Variants in SETD5 observed in about 807,000 individuals in gnomAD.
SETD5 encodes the protein histone-lysine N-methyltransferase SETD5.
SETD5 carries 44 observed loss-of-function variants against 153.3 expected under a neutral mutation model. The ratio of observed to expected loss-of-function variants is 0.29; its 90% CI spans 0.23 to 0.37. SETD5 has a LOEUF of 0.37. Ranked by LOEUF, SETD5 falls within the 10% of genes least tolerant of loss-of-function variation. The probability of loss-of-function intolerance (pLI) is 1.00; values close to 1 mark genes in which losing one functional copy is unlikely to be tolerated. For missense variants in SETD5, 1,544 were observed against 1,768.0 expected, an observed-to-expected ratio of 0.87 and a Z score of 2.27; for synonymous variants, 716 against 645.2, an observed-to-expected ratio of 1.11 and a Z score of -1.66.
chr3:9,464,066 T>TG (rs2044285432), intron 17 of SETD5, among the ~76,000 whole-genome samples: 1 of 152,162 alleles, frequency 6.6e-6, no homozygotes, highest in Admixed American at 6.5e-5. Context: ...AGACGGAGGT[T>TG]GCAGTGAGCT....
rs746999028 is a variant in SETD5 at position 9,406,607 on chromosome 3, C to CA, written c.-177+8644dup. 3.0e-3 allele frequency among the ~76,000 whole-genome samples: 299 copies of CA among 99,172 alleles called. 7 individuals carry two copies. In the Middle Eastern group the frequency reaches 0.035, roughly 12 times the overall value. 65.1% of individuals were successfully genotyped at this position (99,172 alleles called of 152,430 possible). A position where few individuals can be genotyped will look rare whatever the true frequency, so the allele number is the denominator to read the frequency against. ...TGGGCGACAGAGCGAGACTCTGTCT[C>CA]AAAAAAAAAAAAAAGAATAGATCTG... On this transcript the variant is annotated intron_variant, in intron 1 of 22. Coordinates refer to ENST00000402198, the MANE Select transcript of SETD5 (RefSeq NM_001080517.3).
chr3:9,404,106 G>A (rs942891618), intron 1 of SETD5, among the ~76,000 whole-genome samples: 20 of 152,088 alleles, frequency 1.3e-4, no homozygotes, highest in African/African-American at 4.8e-4. Context: ...TTTGTTGCTT[G>A]GGTTGAGGTA....
At position 9,475,065 on chromosome 3, in the gene SETD5, C is replaced by T. The variant is rs935364018; in HGVS notation, c.3632-3C>T. 4.4e-6 allele frequency: 7 copies of T among 1,576,166 alleles called. No homozygotes were observed. The highest frequency in any genetic ancestry group is 6.0e-6 in the Non-Finnish European group (7 of 1,161,086). ...ATTTTTTTTTATATATGTTACCTTC[C>T]AGACCCTGCAGATGGAGAAGGCCCA... On this transcript the variant is annotated splice_region_variant and splice_polypyrimidine_tract_variant and intron_variant, in intron 21 of 22. Transcript: ENST00000402198.
In SETD5 at chr3:9,445,297, T is replaced by C. The variant is rs1315498808; in HGVS notation, c.1437T>C (p.His479=). The C allele has an allele frequency of 4.4e-6, 7 of 1,602,054 alleles. No individual in the cohort carries two copies. The highest frequency in any genetic ancestry group is 1.7e-5 in the Admixed American group (1 of 57,962). The part of the protein sequence containing the change: ...VPEKVTVSSD[H]EEVDNPEEKP... Reference sequence around the variant, plus strand: ...AAAAAGTAACTGTATCCAGTGATCATGAGGTAATCGCCCCTGGTCAAATGA... The same window carrying C: ...AAAAAGTAACTGTATCCAGTGATCACGAGGTAATCGCCCCTGGTCAAATGA... Residue 479 remains histidine (H), a synonymous_variant, in exon 12 of 23, where the codon CAT becomes CAC. Transcript: ENST00000402198.
Position 9,453,758 on chromosome 3 carries a change from T to C in SETD5, c.2366T>C (p.Leu789Ser), listed in dbSNP as rs781773924. Residue 789 changes from leucine to serine, a missense_variant, in exon 17 of 23, where the codon TTA becomes TCA. By Grantham distance (145) the Leu-to-Ser change is moderately radical. Transcript: ENST00000402198. ...TTATAGCGCTGGATAAAACAAGCCT[T>C]AGAAGAAGGGATGACTCAAACATCA... ...SCKKRWIKQALEEGMTQTSSV... is the reference protein window; with the variant it reads ...SCKKRWIKQASEEGMTQTSSV... 1 of 1,600,502 alleles carries C rather than the reference T, an allele frequency of 6.2e-7. No homozygotes were observed. The highest frequency in any genetic ancestry group is 8.5e-7 in the Non-Finnish European group (1 of 1,176,546).
At chr3:9,467,865 A>G (rs964559777) in intron 18 of SETD5, among the ~76,000 whole-genome samples, 2 of 152,002 alleles carry the variant, frequency 1.3e-5, no homozygotes, top group African/African-American at 2.4e-5. Flanking sequence ...CCAAAAGTAC[A>G]ATGGATTTTA....
intron 17 of SETD5, among the ~76,000 whole-genome samples, chr3:9,461,500 T>C (rs2043952839): frequency 6.6e-6 from 1 of 152,154 alleles, no homozygotes; most frequent in Non-Finnish European, 1.5e-5. Flanking sequence ...TGGTAATTTT[T>C]TGAGTAAAGG....
At chr3:9,440,129 C>A (rs1191070209) in intron 7 of SETD5, among the ~76,000 whole-genome samples, 1 of 152,064 alleles carries the variant, frequency 6.6e-6, no homozygotes, top group Non-Finnish European at 1.5e-5. Flanking sequence ...GATGTCAGTC[C>A]TTTGATTAGA....
rs1362059183 is a variant in SETD5, at chr3:9,476,831, G to A, written c.*740G>A. 6.6e-6 allele frequency: 1 copy of A among 152,604 alleles called. No homozygotes were observed. The highest frequency in any genetic ancestry group is 1.5e-5 in the Non-Finnish European group (1 of 68,062). 9.5% of individuals were successfully genotyped at this position (152,604 alleles called of 1,614,324 possible). A position where few individuals can be genotyped will look rare whatever the true frequency, so the allele number is the denominator to read the frequency against. On this transcript the variant is annotated 3_prime_UTR_variant, in exon 23 of 23. Coordinates refer to ENST00000402198, the MANE Select transcript of SETD5 (RefSeq NM_001080517.3). ...TTACCATCCTACTCCCCCTTCCCAA[G>A]CTATTTCACAGCTCAGTAACCCATG...
chr3:9,440,288 A>G (rs2041113144), intron 7 of SETD5, among the ~76,000 whole-genome samples, 168 bp from the exon 8 acceptor site: 1 of 152,210 alleles, frequency 6.6e-6, no homozygotes, highest in African/African-American at 2.4e-5. Flanking sequence ...ATTGGTAACA[A>G]AAGCATGATA....
intron 16 of SETD5, among the ~76,000 whole-genome samples, chr3:9,452,405 T>G (rs1028294723): frequency 1.3e-5 from 2 of 152,242 alleles, no homozygotes; most frequent in Admixed American, 6.5e-5. Flanking sequence ...TTTAAGGCTA[T>G]ATGTATGGTT....
chr3:9,441,014 C>G (rs999649836), intron 8 of SETD5, among the ~76,000 whole-genome samples: 4 of 152,146 alleles, frequency 2.6e-5, no homozygotes, highest in Admixed American at 2.6e-4. Flanking sequence ...CAGTTCAAGA[C>G]CAGCCTGTAC....
At chr3:9,452,963 T>G (rs1336332767) in intron 16 of SETD5, among the ~76,000 whole-genome samples, 1 of 152,174 alleles carries the variant, frequency 6.6e-6, no homozygotes, top group East Asian at 1.9e-4. Flanking sequence ...TAAGAAATTT[T>G]CTGTCTTCCA....
At position 9,451,333 on chromosome 3, in the gene SETD5, T is replaced by C. The variant is rs946107397; in HGVS notation, c.2347-2406T>C. Among the ~76,000 whole-genome samples the C allele has an allele frequency of 2.8e-4, 43 of 152,184 alleles. 1 individual carries two copies. The highest frequency in any genetic ancestry group is 2.5e-4 in the Non-Finnish European group (17 of 68,026). Reference sequence around the variant, plus strand: ...TTCACATACATTATCTCACTTACCATGCATGAAATTGGGATCATTGTCCTA... The same window carrying C: ...TTCACATACATTATCTCACTTACCACGCATGAAATTGGGATCATTGTCCTA... On this transcript the variant is annotated intron_variant, in intron 16 of 22. Transcript: ENST00000402198.
chr3:9,456,826 A>G (rs1018439237), intron 17 of SETD5, among the ~76,000 whole-genome samples: 11 of 151,958 alleles, frequency 7.2e-5, no homozygotes, highest in African/African-American at 2.7e-4. Context: ...TACAAAAAAA[A>G]TTAGCTGGGC....
chr3:9,452,395 T>C (rs1559447571), intron 16 of SETD5, among the ~76,000 whole-genome samples: 1 of 152,238 alleles, frequency 6.6e-6, no homozygotes, highest in African/African-American at 2.4e-5. Flanking sequence ...TCTTCTAAGC[T>C]TTAAGGCTAT....
Position 9,470,443 on chromosome 3 carries a change from A to C in SETD5, c.2725-16A>C. The C allele has an allele frequency of 6.3e-7, 1 of 1,598,426 alleles. No individual in the cohort carries two copies. ...TCTCCCCTACCCCATGTCTCCGTTG[A>C]TTTTTATTCTTTCAGCTTTGTCACC... On this transcript the variant is annotated splice_polypyrimidine_tract_variant and intron_variant, in intron 18 of 22. Coordinates refer to ENST00000402198, the MANE Select transcript of SETD5 (RefSeq NM_001080517.3).
intron 8 of SETD5, among the ~76,000 whole-genome samples, chr3:9,441,383 G>A (rs533770523): frequency 1.9e-4 from 27 of 142,416 alleles, no homozygotes; most frequent in South Asian, 6.6e-4. Flanking sequence ...TTTTCTTGCC[G>A]TTTCTGGGGA....
intron 18 of SETD5, among the ~76,000 whole-genome samples, chr3:9,465,647 G>A (rs926944169): frequency 6.6e-6 from 1 of 152,152 alleles, no homozygotes; most frequent in African/African-American, 2.4e-5. Context: ...TAACTAAGAG[G>A]CAGCTAGCAA....
Sources: gnomAD v4.1 joint callset for allele counts (sites outside exome capture counted in the v4.1 genomes callset) on GRCh38, gnomAD v4.1.1 for gene constraint, MANE v1.5 for transcripts, NCBI Gene and HGNC (gene_info 2026-07-23, HGNC 2026-07-21) for gene names.